PNPLA6: variants seen among roughly 807,000 people sequenced by gnomAD.
PNPLA6 encodes the protein patatin like domain 6, lysophospholipase.
A neutral mutation model predicts 153.7 loss-of-function variants in PNPLA6; 105 were observed. That is an observed-to-expected ratio of 0.68 (90% CI 0.58 to 0.80). The LOEUF (loss-of-function observed/expected upper bound fraction) is 0.80. PNPLA6 is among the 30% of genes least tolerant of loss of function. The probability of loss-of-function intolerance (pLI) is 0.00; values close to 1 mark genes in which losing one functional copy is unlikely to be tolerated. For synonymous variants in PNPLA6, 825 were observed against 822.2 expected (o/e 1.00, Z -0.06); for missense variants, 1,423 against 1,919.3 (o/e 0.74, Z 4.83).
intron 26 of PNPLA6, 57 bp downstream of exon 26, chr19:7,556,781 TGCTTCCGGGAGGGCCGCTGA>T (rs890763275): frequency 9.0e-5 from 116 of 1,289,530 alleles, no homozygotes; most frequent in Non-Finnish European, 1.2e-4. Flanking sequence ...GTTGGGGGGA[TGCTTCCGGGAGGGCCGCTGA>T]GCTTCTGGGA....
chr19:7,535,472 G>A, upstream of PNPLA6: 3 of 1,448,978 alleles, frequency 2.1e-6, no homozygotes, highest in Non-Finnish European at 2.9e-6. The surrounding 1 kb of genome is among the most constrained non-coding windows in gnomAD (Gnocchi z 5.0). Flanking sequence ...CCAGATTGAC[G>A]ACTTGCACGG....
intron 3 of PNPLA6, 81 bp downstream of exon 3, chr19:7,536,627 T>C: frequency 4.2e-6 from 4 of 951,054 alleles, no homozygotes; most frequent in Non-Finnish European, 5.1e-6. Context: ...CAAAGTGTTG[T>C]GGAAGTCTTC....
intron 3 of PNPLA6, among the ~76,000 whole-genome samples, chr19:7,537,641 T>TTGTG (rs2022938468): frequency 6.6e-6 from 1 of 152,026 alleles, no homozygotes; most frequent in African/African-American, 2.4e-5. Context: ...TCTTTTTTGT[T>TTGTG]TGTTTGTTTG....
chr19:7,549,604 T>C, intron 13 of PNPLA6: 2 of 435,916 alleles, frequency 4.6e-6, no homozygotes, highest in Non-Finnish European at 8.5e-6. Flanking sequence ...TTCTCTTGCC[T>C]CAGCTTCCTG....
Position 7,553,960 on chromosome 19 carries a change from T to C in PNPLA6, c.2346T>C (p.Ala782=). 6.2e-7 allele frequency: 1 copy of C among 1,613,746 alleles called. No individual in the cohort carries two copies. Among genetic ancestry groups the C allele is most frequent in the Non-Finnish European group, 8.5e-7 (1 of 1,179,988 alleles). Residue 782 remains alanine, a synonymous_variant, in exon 19 of 32, where the codon GCT becomes GCC. Transcript: ENST00000600737. ...CTGTGGCAATCCTGCCTGTGTGTGC[T>C]GAGGTCCCCATGGTGGCCTTCACGC... The part of the protein sequence containing the change: ...LATVAILPVC[A]EVPMVAFTLE...
At position 7,555,291 on chromosome 19, in the gene PNPLA6, C is replaced by T; in HGVS notation, c.2860C>T (p.His954Tyr). 1 of 1,593,992 alleles carries T rather than the reference C, an allele frequency of 6.3e-7. No individual in the cohort carries two copies. The highest frequency in any genetic ancestry group is 1.1e-5 in the South Asian group (1 of 87,856). Residue 954 changes from histidine (H) to tyrosine (Y), a missense_variant, in exon 23 of 32, where the codon CAC becomes TAC. His to Tyr is a moderately conservative substitution (Grantham distance 83). Transcript: ENST00000600737. This position sits in a 1 kb window ranked among gnomAD's most constrained non-coding sequence, Gnocchi z 6.3. ...EKVFSRRADR[H>Y]SDFSRLARVL... ...GGTTTTCTCCAGGCGCGCGGACCGG[C>T]ACAGCGACTTCTCCCGCTTGGCGAG...
chr19:7,551,700 G>C (rs1258556874), intron 18 of PNPLA6, among the ~76,000 whole-genome samples: 1 of 152,142 alleles, frequency 6.6e-6, no homozygotes, highest in Non-Finnish European at 1.5e-5. Context: ...CAGTGGTGCC[G>C]GGGAGGGAGT....
At chr19:7,548,078 G>A (rs1412216573) in intron 13 of PNPLA6, among the ~76,000 whole-genome samples, 2 of 150,786 alleles carry the variant, frequency 1.3e-5, no homozygotes, top group African/African-American at 4.9e-5. Flanking sequence ...GGGCATAGTG[G>A]CACACACCTG....
upstream of PNPLA6, chr19:7,534,356 C>T: frequency 5.4e-6 from 1 of 184,064 alleles, no homozygotes. Flanking sequence ...TCTGATGTTC[C>T]CATACCCCCC....
rs1317306730 is a variant in PNPLA6, at chr19:7,553,847, C to A, written c.2261-28C>A. The A allele has an allele frequency of 7.4e-6, 12 of 1,614,056 alleles. No individual in the cohort carries two copies. In the Admixed American group the frequency reaches 8.3e-5, roughly 11 times the overall value. Reference sequence around the variant, plus strand: ...TCTCTCTGGACACAGGTTCGCACCACAAATCTCATCCATTGGGTTCTTAGC... The same window carrying A: ...TCTCTCTGGACACAGGTTCGCACCAAAAATCTCATCCATTGGGTTCTTAGC... On this transcript the variant is annotated intron_variant, in intron 18 of 31. Transcript: ENST00000600737.
intron 3 of PNPLA6, among the ~76,000 whole-genome samples, chr19:7,536,918 C>T (rs1334286543): frequency 1.3e-4 from 14 of 109,468 alleles, no homozygotes; most frequent in Non-Finnish European, 2.2e-4. Flanking sequence ...TAGAGTGAGA[C>T]TCTGTCTCAA....
chr19:7,545,870 C>T (rs1249697406), intron 13 of PNPLA6, among the ~76,000 whole-genome samples: 1 of 149,734 alleles, frequency 6.7e-6, no homozygotes, highest in African/African-American at 2.5e-5. Flanking sequence ...AGATCGCACC[C>T]CTGCACTCCA....
intron 13 of PNPLA6, among the ~76,000 whole-genome samples, chr19:7,544,706 TC>T (rs1043484214): frequency 6.6e-6 from 1 of 151,948 alleles, no homozygotes; most frequent in African/African-American, 2.4e-5. Context: ...GGAGCTGTGG[TC>T]CCACTGTTAG....
rs762897981 is a variant in PNPLA6, at chr19:7,542,751, C to T, written c.1363-10C>T. On this transcript the variant is annotated splice_polypyrimidine_tract_variant and intron_variant, in intron 11 of 31. Transcript: ENST00000600737. ...GGAGCATCAGGAGGTCACAAGCCTG[C>T]CCCACTCAGACCCCCACTCAGGAGC... 4 of 1,612,904 alleles carry T rather than the reference C, an allele frequency of 2.5e-6. No homozygotes were observed. The Admixed American group carries it at 5.0e-5, about 20-fold the overall frequency.
In PNPLA6 at chr19:7,561,021, C is replaced by A; in HGVS notation, c.3824C>A (p.Ala1275Asp). The A allele has an allele frequency of 6.2e-7, 1 of 1,610,642 alleles. No homozygotes were observed. The highest frequency in any genetic ancestry group is 8.5e-7 in the Non-Finnish European group (1 of 1,178,376). The change falls in exon 30 of 32, where the codon GCC (alanine) becomes GAC (aspartate). Residue 1275 changes from alanine (A) to aspartate (D), a missense_variant. Physicochemically the swap from Ala to Asp is moderately radical, Grantham distance 126 (BLOSUM62 -2). Transcript: ENST00000600737. ...ACCAGTGTCACCCCACAGGTGCTTG[C>A]CTTCCCAAGCTCTGGCTTCACTGAC... is the stretch of plus-strand genomic sequence containing the variant. ...LNESRRADVL[A>D]FPSSGFTDLA...
rs547174697 is a variant in PNPLA6, at chr19:7,554,973, C to T, written c.2715C>T (p.Pro905=). ...VLLHREEGAG[P]TRTVEWLNMR... is the part of the protein sequence containing the mutation. ...TCCACCGAGAGGAGGGCGCGGGCCC[C>T]ACGCGCACCGTGGAGTGGCTAAATA... is the stretch of plus-strand genomic sequence containing the variant. Residue 905 remains proline (P), a synonymous_variant, in exon 22 of 32, where the codon CCC becomes CCT. Coordinates refer to ENST00000600737, the MANE Select transcript of PNPLA6 (RefSeq NM_001166114.2). 1 of 1,591,940 alleles carries T rather than the reference C, an allele frequency of 6.3e-7. No homozygotes were observed. Among genetic ancestry groups the T allele is most frequent in the African/African-American group, 1.3e-5 (1 of 74,886 alleles).
At chr19:7,557,497 A>G (rs1029138558) in intron 27 of PNPLA6, 3 of 620,192 alleles carry the variant, frequency 4.8e-6, no homozygotes, top group African/African-American at 3.6e-5. Context: ...TGAGATCTAC[A>G]TTCTGGCCAG....
In PNPLA6 at chr19:7,555,935, A is replaced by G. The variant is rs1325581235; in HGVS notation, c.3093+172A>G. Among the ~76,000 whole-genome samples the G allele has an allele frequency of 6.6e-6, 1 of 151,914 alleles. No individual in the cohort carries two copies. The highest frequency in any genetic ancestry group is 2.4e-5 in the African/African-American group (1 of 41,328). On this transcript the variant is annotated intron_variant, in intron 24 of 31. Coordinates refer to ENST00000600737, the MANE Select transcript of PNPLA6 (RefSeq NM_001166114.2). This position sits in a 1 kb window ranked among gnomAD's most constrained non-coding sequence, Gnocchi z 6.3. ...AGATAAGCTTCTAGGACTCTGGGTA[A>G]CCACTTTGGGACCTCCTGTCTACTG... is the stretch of plus-strand genomic sequence containing the variant.
Position 7,540,323 on chromosome 19 carries a change from C to T in PNPLA6, c.714+15C>T, listed in dbSNP as rs1426744304. The T allele has an allele frequency of 6.3e-7, 1 of 1,597,156 alleles. No homozygotes were observed. Among genetic ancestry groups the T allele is most frequent in the Non-Finnish European group, 8.5e-7 (1 of 1,174,174 alleles). On this transcript the variant is annotated intron_variant, in intron 5 of 31. Coordinates refer to ENST00000600737, the MANE Select transcript of PNPLA6 (RefSeq NM_001166114.2). The surrounding 1 kb of genome is among the most constrained non-coding windows in gnomAD (Gnocchi z 6.8). Reference sequence around the variant, plus strand: ...TGCCAGGGCCTGTGAGTGGGCCTCCCCAGGGGCTGCTGCAGGAGGATGGGT... The same window carrying T: ...TGCCAGGGCCTGTGAGTGGGCCTCCTCAGGGGCTGCTGCAGGAGGATGGGT...
Sources: gnomAD v4.1 joint callset for allele counts (sites outside exome capture counted in the v4.1 genomes callset) on GRCh38, gnomAD v4.1.1 for gene constraint, Gnocchi (gnomAD v3.1) non-coding constraint, MANE v1.5 for transcripts, NCBI Gene and HGNC (gene_info 2026-07-23, HGNC 2026-07-21) for gene names.